Variants in RIMBP2 observed in about 807,000 individuals in gnomAD.
The protein encoded by RIMBP2 is RIMS binding protein 2.
RIMBP2 carries 48 observed loss-of-function variants against 118.6 expected under a neutral mutation model. That is an observed-to-expected ratio of 0.40 (90% CI 0.32 to 0.51). The LOEUF (loss-of-function observed/expected upper bound fraction) is 0.51. Ranked by LOEUF, RIMBP2 falls within the 20% of genes least tolerant of loss-of-function variation. The pLI, the probability that RIMBP2 is intolerant of heterozygous loss-of-function variation, is 0.41. For missense variants in RIMBP2, 1,551 were observed against 1,768.3 expected (o/e 0.88, Z 2.20); for synonymous variants, 762 against 742.9 (o/e 1.03, Z -0.42).
rs7958397 is a variant in RIMBP2 at position 130,576,009 on chromosome 12, T to C, written c.-217+52313A>G. Among the ~76,000 whole-genome samples, 14,598 of 152,068 alleles carry C rather than the reference T, an allele frequency of 0.096. 772 individuals are homozygous for C. Among genetic ancestry groups the C allele is most frequent in the East Asian group, 0.2 (1,018 of 5,160 alleles). ...TGAGGGAGTGAGCTGGGTGGCTCTTTGCAGTGAGGAGGAGCATGGTGGACA... is the reference window on the plus strand; with the variant it reads ...TGAGGGAGTGAGCTGGGTGGCTCTTCGCAGTGAGGAGGAGCATGGTGGACA... On this transcript the variant is annotated intron_variant, in intron 2 of 22. Transcript: ENST00000690449. This position sits in a 1 kb window ranked among gnomAD's most constrained non-coding sequence, Gnocchi z 4.2.
intron 2 of RIMBP2, among the ~76,000 whole-genome samples, chr12:130,565,797 C>T (rs551951825): frequency 1.2e-4 from 19 of 152,248 alleles, no homozygotes; most frequent in African/African-American, 1.4e-4. Context: ...ACACTGTTAA[C>T]GAAATAAATA....
At chr12:130,558,217 C>T (rs947237008) in intron 2 of RIMBP2, among the ~76,000 whole-genome samples, 2 of 152,124 alleles carry the variant, frequency 1.3e-5, no homozygotes, top group Non-Finnish European at 2.9e-5. Context: ...TAGCTGACAG[C>T]ATCCACTCAA....
chr12:130,402,766 A>G (rs1288236331), intron 21 of RIMBP2, among the ~76,000 whole-genome samples: 5 of 152,212 alleles, frequency 3.3e-5, no homozygotes, highest in Admixed American at 6.5e-5. Flanking sequence ...CCAGTCAGTG[A>G]GACATCCACT....
At chr12:130,538,599 C>T (rs2054282046) in intron 2 of RIMBP2, among the ~76,000 whole-genome samples, 1 of 152,184 alleles carries the variant, frequency 6.6e-6, no homozygotes, top group African/African-American at 2.4e-5. Flanking sequence ...ATGCCAGAGT[C>T]TGCACACTTC....
intron 2 of RIMBP2, among the ~76,000 whole-genome samples, chr12:130,572,447 C>T (rs1407311880): frequency 2.0e-5 from 3 of 152,022 alleles, no homozygotes; most frequent in Admixed American, 6.5e-5. Flanking sequence ...CTTGGACACT[C>T]GGCTCCCTGG....
intron 3 of RIMBP2, among the ~76,000 whole-genome samples, chr12:130,512,401 C>G (rs2051006197): frequency 6.6e-6 from 1 of 152,176 alleles, no homozygotes; most frequent in South Asian, 2.1e-4. Context: ...TGGCTCACTG[C>G]AACCTTCACC....
At chr12:130,571,876 T>G (rs920511377) in intron 2 of RIMBP2, among the ~76,000 whole-genome samples, 1 of 152,076 alleles carries the variant, frequency 6.6e-6, no homozygotes, top group Non-Finnish European at 1.5e-5. Flanking sequence ...GGAGCCCACC[T>G]CGGGGCTGTA....
chr12:130,462,362 T>C (rs1877977), intron 6 of RIMBP2, among the ~76,000 whole-genome samples: 147,788 of 152,302 alleles, frequency 0.97, 71,844 homozygotes, highest in East Asian at 1. Context: ...CCAGTGCAGA[T>C]ACCAGGAAGG....
rs1445513336 is a variant in RIMBP2 at position 130,617,334 on chromosome 12, C to T, written c.-217+10988G>A. Among the ~76,000 whole-genome samples the T allele has an allele frequency of 6.6e-6, 1 of 152,214 alleles. No individual in the cohort carries two copies. The highest frequency in any genetic ancestry group is 1.5e-5 in the Non-Finnish European group (1 of 68,036). On this transcript the variant is annotated intron_variant, in intron 2 of 22. Coordinates refer to ENST00000690449, the MANE Select transcript of RIMBP2 (RefSeq NM_001393629.1). This position sits in a 1 kb window ranked among gnomAD's most constrained non-coding sequence, Gnocchi z 4.6. ...CCTCATGCAAATGGCGTCATCCCTG[C>T]CCTTTGCCTCTCACTGACATTTCCT...
intron 14 of RIMBP2, among the ~76,000 whole-genome samples, chr12:130,433,559 T>G (rs1167954724): frequency 1.3e-5 from 2 of 152,204 alleles, no homozygotes; most frequent in Non-Finnish European, 2.9e-5. Context: ...TGAGCCTTCC[T>G]GGTGGGCTTT....
chr12:130,439,854 TG>T, intron 11 of RIMBP2, among the ~76,000 whole-genome samples: 1 of 134,404 alleles, frequency 7.4e-6, no homozygotes. Context: ...TGTGAGTCTG[TG>T]GGGGTGTCTG....
intron 2 of RIMBP2, among the ~76,000 whole-genome samples, chr12:130,580,028 CAAAA>C (rs55653381): frequency 1.7e-5 from 2 of 116,520 alleles, no homozygotes; most frequent in Non-Finnish European, 3.4e-5. Flanking sequence ...ACCAAAAATA[CAAAA>C]AAAAAAAAAA....
At position 130,456,849 on chromosome 12, in the gene RIMBP2, TTGAG is replaced by T. The variant is rs2079498716; in HGVS notation, c.154-153_154-150del. On this transcript the variant is annotated intron_variant, in intron 6 of 22. Coordinates refer to ENST00000690449, the MANE Select transcript of RIMBP2 (RefSeq NM_001393629.1). The stretch of plus-strand genomic sequence containing the variant: ...TGTGTCTGTGAAAATGCATGTGTGG[TTGAG>T]TGTGTGCATATGAGCATGTATCCTG... 7 of 627,032 alleles carry T rather than the reference TTGAG, an allele frequency of 1.1e-5. No individual in the cohort carries two copies. In the East Asian group the frequency reaches 1.1e-4, roughly 10 times the overall value. The allele number at this position is 627,032 out of a possible 1,614,324, so 38.8% of individuals were successfully genotyped here.
intron 10 of RIMBP2, among the ~76,000 whole-genome samples, chr12:130,444,378 G>T (rs190276096): frequency 6.6e-6 from 1 of 152,136 alleles, no homozygotes; most frequent in Non-Finnish European, 1.5e-5. Flanking sequence ...AGCACCTGGG[G>T]CTTCCATCAG....
chr12:130,589,383 C>G lies in RIMBP2; in HGVS notation c.-217+38939G>C, dbSNP rs139424538. ...AAAAGAAAAAAGAAAAAGAAAATAG[C>G]TCTTGGTGAAAAGCACTCATTGATG... On this transcript the variant is annotated intron_variant, in intron 2 of 22. Coordinates refer to ENST00000690449, the MANE Select transcript of RIMBP2 (RefSeq NM_001393629.1). Among the ~76,000 whole-genome samples, 817 of 152,288 alleles carry G rather than the reference C, an allele frequency of 5.4e-3. 6 individuals are homozygous for G. The highest frequency in any genetic ancestry group is 9.0e-3 in the Non-Finnish European group (614 of 68,034).
chr12:130,709,706 G>A (rs1295152792), intron 1 of RIMBP2, among the ~76,000 whole-genome samples: 6 of 152,112 alleles, frequency 3.9e-5, no homozygotes, highest in Non-Finnish European at 8.8e-5. Context: ...TAATAAGCAT[G>A]AAGAATGCCT....
At chr12:130,484,033 C>G (rs1440908356) in intron 4 of RIMBP2, among the ~76,000 whole-genome samples, 1 of 152,200 alleles carries the variant, frequency 6.6e-6, no homozygotes, top group Non-Finnish European at 1.5e-5. Flanking sequence ...GGCTTGCTGG[C>G]ATGGACAATG....
chr12:130,640,765 C>T (rs2062581787), intron 1 of RIMBP2, among the ~76,000 whole-genome samples: 1 of 152,226 alleles, frequency 6.6e-6, no homozygotes. Context: ...CACTGGGCTT[C>T]ACCTCTGCCC....
chr12:130,550,545 G>A (rs962132557), intron 2 of RIMBP2, among the ~76,000 whole-genome samples: 9 of 152,224 alleles, frequency 5.9e-5, no homozygotes, highest in African/African-American at 2.2e-4. Context: ...TGTTTCCACT[G>A]GGGTCAGCTG....
Sources: allele counts gnomAD v4.1 joint callset (sites outside exome capture counted in the v4.1 genomes callset), GRCh38; gene constraint gnomAD v4.1.1; non-coding constraint Gnocchi (gnomAD v3.1); transcripts MANE v1.5; gene names NCBI Gene and HGNC (gene_info 2026-07-23, HGNC 2026-07-21).